The following LARGE1 variants were observed in gnomAD, a reference collection of about 807,000 sequenced individuals.
LARGE1 encodes the protein xylosyl- and glucuronyltransferase LARGE1.
LARGE1 carries 43 observed loss-of-function variants against 87.6 expected under a neutral mutation model. That is an observed-to-expected ratio of 0.49 (90% confidence interval 0.38 to 0.63). The LOEUF (loss-of-function observed/expected upper bound fraction) is 0.63, where lower values mean the gene tolerates loss of function less well. Ranked by LOEUF, LARGE1 falls within the 30% of genes least tolerant of loss-of-function variation. LARGE1 has a pLI of 0.00. For missense variants in LARGE1, 802 were observed against 1,000.2 expected, an observed-to-expected ratio of 0.80 and a Z score of 2.67; for synonymous variants, 434 against 394.6, an observed-to-expected ratio of 1.10 and a Z score of -1.18.
chr22:33,310,492 T>C (rs8142947), intron 11 of LARGE1, among the ~76,000 whole-genome samples: 11,561 of 152,118 alleles, frequency 0.076, 515 homozygotes, highest in African/African-American at 0.12. Context: ...CCTGGCTTCA[T>C]GGCCATGGTT....
chr22:33,229,623 T>C (rs1049280052), intron 11 of LARGE1, among the ~76,000 whole-genome samples: 4 of 152,050 alleles, frequency 2.6e-5, no homozygotes, highest in Admixed American at 6.5e-5. Context: ...TATGAGATAT[T>C]TGAAAATAAT....
At chr22:33,532,397 G>A (rs1021557740) in intron 6 of LARGE1, among the ~76,000 whole-genome samples, 4 of 152,184 alleles carry the variant, frequency 2.6e-5, no homozygotes, top group Non-Finnish European at 5.9e-5. Context: ...CTGCAGCAGG[G>A]AAATCTCTAG....
intron 6 of LARGE1, among the ~76,000 whole-genome samples, chr22:33,437,477 TC>T: frequency 6.6e-6 from 1 of 152,338 alleles, no homozygotes; most frequent in East Asian, 1.9e-4. Flanking sequence ...ATTTTTTTTT[TC>T]CTCTAAGCAC....
intron 1 of LARGE1, among the ~76,000 whole-genome samples, chr22:33,803,414 GA>G (rs1396569493): frequency 6.6e-6 from 1 of 152,122 alleles, no homozygotes; most frequent in Non-Finnish European, 1.5e-5. Flanking sequence ...TACATAGCTG[GA>G]ATCCAGTAAA....
intron 3 of LARGE1, among the ~76,000 whole-genome samples, chr22:33,647,263 C>G (rs1475028544): frequency 6.6e-6 from 1 of 152,142 alleles, no homozygotes; most frequent in Non-Finnish European, 1.5e-5. Flanking sequence ...CCAGAATGTT[C>G]CAGAAAAACA....
chr22:33,677,626 CT>C (rs1366971630), intron 2 of LARGE1, among the ~76,000 whole-genome samples: 1 of 152,116 alleles, frequency 6.6e-6, no homozygotes, highest in Non-Finnish European at 1.5e-5. Flanking sequence ...TGTGCTTTAT[CT>C]GGGGTTTGCA....
chr22:33,850,902 G>A (rs1318613337), intron 1 of LARGE1, among the ~76,000 whole-genome samples: 1 of 151,716 alleles, frequency 6.6e-6, no homozygotes, highest in East Asian at 1.9e-4. Flanking sequence ...AACCTAACCG[G>A]TCTTAAAAAA....
At chr22:33,120,358 T>TTTC in the LARGE1 span, among the ~76,000 whole-genome samples, 406 of 118,772 alleles carry the variant, frequency 3.4e-3, 3 homozygotes, top group African/African-American at 0.013. Flanking sequence ...TTTTCTTTCT[T>TTTC]TTTCTTTCTT....
chr22:33,421,185 G>C (rs932154167), intron 7 of LARGE1, among the ~76,000 whole-genome samples: 2 of 151,094 alleles, frequency 1.3e-5, no homozygotes, highest in African/African-American at 4.9e-5. Context: ...GTGAGCCTCT[G>C]TTTCAAAAAA....
intron 2 of LARGE1, among the ~76,000 whole-genome samples, chr22:33,697,832 A>G (rs1324311581): frequency 7.9e-5 from 12 of 152,122 alleles, no homozygotes; most frequent in Non-Finnish European, 1.8e-4. Context: ...TTCACCCTAC[A>G]TGTGTGGTCA....
chr22:33,309,507 T>C (rs1387744269), intron 11 of LARGE1, among the ~76,000 whole-genome samples: 3 of 152,120 alleles, frequency 2.0e-5, no homozygotes, highest in Admixed American at 1.3e-4. Context: ...AGCTGGCTCC[T>C]TCCACCACGT....
chr22:33,349,307 A>G (rs1200589668), intron 9 of LARGE1, among the ~76,000 whole-genome samples: 1 of 152,180 alleles, frequency 6.6e-6, no homozygotes, highest in African/African-American at 2.4e-5. Context: ...TCAGATACAT[A>G]TACATTCTAT....
At chr22:33,449,088 T>C (rs2147895587) in intron 6 of LARGE1, among the ~76,000 whole-genome samples, 1 of 152,346 alleles carries the variant, frequency 6.6e-6, no homozygotes, top group Middle Eastern at 3.4e-3. Flanking sequence ...TAATACTGCC[T>C]TCCTTTTTAC....
At chr22:33,714,211 A>C (rs1211835293) in intron 2 of LARGE1, among the ~76,000 whole-genome samples, 1 of 152,116 alleles carries the variant, frequency 6.6e-6, no homozygotes, top group Non-Finnish European at 1.5e-5. Context: ...CACACACATG[A>C]TCATGTAATT....
At chr22:33,235,675 C>T (rs1254465589) in intron 11 of LARGE1, among the ~76,000 whole-genome samples, 1 of 152,152 alleles carries the variant, frequency 6.6e-6, no homozygotes, top group Non-Finnish European at 1.5e-5. Flanking sequence ...ATGGACTTCT[C>T]ATAGCAGGAT....
chr22:33,562,888 T>C (rs2077903021), intron 6 of LARGE1: 1 of 152,690 alleles, frequency 6.5e-6, no homozygotes, highest in Middle Eastern at 3.4e-3. Context: ...TTGAGTTTCT[T>C]TGGAAAAAGA....
chr22:33,807,418 G>C (rs1043276508), intron 1 of LARGE1, among the ~76,000 whole-genome samples: 1 of 152,114 alleles, frequency 6.6e-6, no homozygotes, highest in African/African-American at 2.4e-5. Context: ...GGTATAGAGA[G>C]ATTTCCCATA....
chr22:33,327,997 AACAGATAAAAAGCCCCGTAGTC>A (rs1323825603), intron 10 of LARGE1, among the ~76,000 whole-genome samples: 6 of 152,178 alleles, frequency 3.9e-5, no homozygotes, highest in African/African-American at 1.4e-4. Context: ...TGATGAATAA[AACAGATAAAAAGCCCCGTAGTC>A]ACAGAGCTTA....
intron 1 of LARGE1, among the ~76,000 whole-genome samples, chr22:33,901,086 A>G (rs1271780377): frequency 6.6e-6 from 1 of 152,170 alleles, no homozygotes; most frequent in Non-Finnish European, 1.5e-5. Context: ...ACACAGAGAC[A>G]TGTACAGAGG....
Sources: allele counts gnomAD v4.1 joint callset (sites outside exome capture counted in the v4.1 genomes callset), GRCh38; gene constraint gnomAD v4.1.1; transcripts MANE v1.5; gene names NCBI Gene and HGNC (gene_info 2026-07-23, HGNC 2026-07-21).